FMNL3: variants seen among roughly 807,000 people sequenced by gnomAD.
FMNL3 encodes the protein formin like 3.
Under a neutral mutation model 119.6 loss-of-function variants are expected in FMNL3, and 57 were observed. The observed-to-expected ratio is 0.48, with a 90% CI of 0.39 to 0.59. The LOEUF (loss-of-function observed/expected upper bound fraction) is 0.59. Among genes scored for constraint, FMNL3 ranks in the 20% least tolerant of loss-of-function variants. FMNL3 has a pLI of 0.00. For synonymous variants in FMNL3, 491 were observed against 507.3 expected (o/e 0.97, Z 0.43); for missense variants, 1,053 against 1,323.5 (o/e 0.80, Z 3.17).
At chr12:49,702,742 CAAG>C (rs1340353650) in intron 1 of FMNL3, among the ~76,000 whole-genome samples, 3 of 152,098 alleles carry the variant, frequency 2.0e-5, no homozygotes, top group Admixed American at 1.3e-4. Context: ...GGTCTCTGAA[CAAG>C]AAGAAGGTTC....
intron 1 of FMNL3, among the ~76,000 whole-genome samples, chr12:49,676,953 G>C (rs1434731338): frequency 6.6e-6 from 1 of 152,156 alleles, no homozygotes; most frequent in Non-Finnish European, 1.5e-5. Flanking sequence ...TCTGAGAACA[G>C]GAATCACCAT....
chr12:49,679,238 C>T (rs1306027601), intron 1 of FMNL3, among the ~76,000 whole-genome samples: 2 of 152,176 alleles, frequency 1.3e-5, no homozygotes, highest in East Asian at 1.9e-4. Context: ...AGCAAGCATA[C>T]GGTGGATCTG....
chr12:49,683,171 G>A (rs905970040), intron 1 of FMNL3, among the ~76,000 whole-genome samples: 9 of 152,160 alleles, frequency 5.9e-5, no homozygotes, highest in Admixed American at 5.9e-4. Flanking sequence ...CTGAAGGGCT[G>A]TGCTGTGAGA....
chr12:49,637,635 CCT>C lies in FMNL3; in HGVS notation c.*8178_*8179del, dbSNP rs1942020568. ...CTGGCCTGGCTTCCTGCCCTGCCAGCCTCTCTGCACCCCCTACTACCGGCTCC... is the reference window on the plus strand; with the variant it reads ...CTGGCCTGGCTTCCTGCCCTGCCAGCCTCTGCACCCCCTACTACCGGCTCC... On this transcript the variant is annotated 3_prime_UTR_variant, in exon 26 of 26. Coordinates refer to ENST00000335154, the MANE Select transcript of FMNL3 (RefSeq NM_175736.5). The C allele has an allele frequency of 6.4e-7, 1 of 1,573,940 alleles. No individual in the cohort carries two copies. Among genetic ancestry groups the C allele is most frequent in the Non-Finnish European group, 8.7e-7 (1 of 1,146,232 alleles).
At position 49,644,259 on chromosome 12, in the gene FMNL3, G is replaced by C; in HGVS notation, c.*1556C>G. On this transcript the variant is annotated 3_prime_UTR_variant, in exon 26 of 26. Coordinates refer to ENST00000335154, the MANE Select transcript of FMNL3 (RefSeq NM_175736.5). ...GGCTCCTGGGCCACCCTCACCGTCT[G>C]CCTCAGACTTCTTCCTTAGTCTGGT... 1 of 1,553,760 alleles carries C rather than the reference G, an allele frequency of 6.4e-7. No individual in the cohort carries two copies. The highest frequency in any genetic ancestry group is 8.9e-7 in the Non-Finnish European group (1 of 1,128,790).
chr12:49,695,985 C>T (rs1944740025), intron 1 of FMNL3, among the ~76,000 whole-genome samples: 1 of 152,122 alleles, frequency 6.6e-6, no homozygotes, highest in African/African-American at 2.4e-5. Flanking sequence ...GTAGTACCTC[C>T]AAACACAGGA....
chr12:49,707,041 G>C lies in FMNL3; in HGVS notation c.126+14C>G. Reference sequence around the variant, plus strand: ...GGGCGGTACGCGGGGGAAGGGGCTGGGCTCAGCTCTCACCAGCACCAGGGC... The same window carrying C: ...GGGCGGTACGCGGGGGAAGGGGCTGCGCTCAGCTCTCACCAGCACCAGGGC... On this transcript the variant is annotated intron_variant, in intron 1 of 25. Transcript: ENST00000335154. The C allele has an allele frequency of 4.5e-6, 7 of 1,569,714 alleles. No homozygotes were observed. Among genetic ancestry groups the C allele is most frequent in the Non-Finnish European group, 6.0e-6 (7 of 1,157,842 alleles).
rs1215433037 is a variant in FMNL3 at position 49,637,171 on chromosome 12, G to A, written c.*8644C>T. ...CAGGCAGAGTTTATTCCCTCAGCTT[G>A]GGGGTGGCAGTGGTGGTGGTAGTGC... On this transcript the variant is annotated 3_prime_UTR_variant, in exon 26 of 26. Coordinates refer to ENST00000335154, the MANE Select transcript of FMNL3 (RefSeq NM_175736.5). 2 of 572,286 alleles carry A rather than the reference G, an allele frequency of 3.5e-6. No individual in the cohort carries two copies. The highest frequency in any genetic ancestry group is 1.9e-5 in the African/African-American group (1 of 53,496). 35.5% of individuals were successfully genotyped at this position (572,286 alleles called of 1,614,324 possible). A position where few individuals can be genotyped will look rare whatever the true frequency, so the allele number is the denominator to read the frequency against.
Position 49,637,004 on chromosome 12 carries a change from T to A in FMNL3, c.*8811A>T. The A allele has an allele frequency of 8.8e-7, 1 of 1,131,494 alleles. No homozygotes were observed. The allele number at this position is 1,131,494 out of a possible 1,614,324, so 70.1% of individuals were successfully genotyped here. ...GACCTCTCTCTGCCTGCAGTCTGTTTCTGCTGTACCTCCTCAATTCTGGAC... is the reference window on the plus strand; with the variant it reads ...GACCTCTCTCTGCCTGCAGTCTGTTACTGCTGTACCTCCTCAATTCTGGAC... On this transcript the variant is annotated 3_prime_UTR_variant, in exon 26 of 26. Coordinates refer to ENST00000335154, the MANE Select transcript of FMNL3 (RefSeq NM_175736.5).
chr12:49,660,645 G>A (rs919032080), intron 5 of FMNL3, among the ~76,000 whole-genome samples: 2 of 152,208 alleles, frequency 1.3e-5, no homozygotes, highest in African/African-American at 4.8e-5. Flanking sequence ...GGCCAAGGGG[G>A]CAAGGACAGT....
intron 1 of FMNL3, among the ~76,000 whole-genome samples, chr12:49,697,843 TA>T (rs1944792770): frequency 1.3e-5 from 2 of 151,886 alleles, no homozygotes; most frequent in African/African-American, 4.8e-5. Context: ...AGGATTTGCC[TA>T]AAGTCGTGCA....
At position 49,643,476 on chromosome 12, in the gene FMNL3, C is replaced by CT; in HGVS notation, c.*2338dup. 2 of 1,494,854 alleles carry CT rather than the reference C, an allele frequency of 1.3e-6. No individual in the cohort carries two copies. The allele number at this position is 1,494,854 out of a possible 1,614,324, so 92.6% of individuals were successfully genotyped here. A position where few individuals can be genotyped will look rare whatever the true frequency, so the allele number is the denominator to read the frequency against. On this transcript the variant is annotated 3_prime_UTR_variant, in exon 26 of 26. Coordinates refer to ENST00000335154, the MANE Select transcript of FMNL3 (RefSeq NM_175736.5). ...GGATGCCCTCCACAAGCCCCAGCTC[C>CT]TTTGAGGGTAGACTGGATTGGGAGG...
Position 49,636,578 on chromosome 12 carries a change from C to A in FMNL3, c.*9237G>T. The A allele has an allele frequency of 9.1e-7, 1 of 1,093,124 alleles. No homozygotes were observed. The highest frequency in any genetic ancestry group is 1.3e-6 in the Non-Finnish European group (1 of 756,686). The allele number at this position is 1,093,124 out of a possible 1,614,324, so 67.7% of individuals were successfully genotyped here. A position where few individuals can be genotyped will look rare whatever the true frequency, so the allele number is the denominator to read the frequency against. ...CATTGCAGTGGCTGCTCCCACAGAG[C>A]CCCCTCCAGGCCCTTCCCCCACCAC... On this transcript the variant is annotated 3_prime_UTR_variant, in exon 26 of 26. Coordinates refer to ENST00000335154, the MANE Select transcript of FMNL3 (RefSeq NM_175736.5).
At chr12:49,695,731 T>C (rs1944732991) in intron 1 of FMNL3, among the ~76,000 whole-genome samples, 1 of 152,150 alleles carries the variant, frequency 6.6e-6, no homozygotes, top group African/African-American at 2.4e-5. Flanking sequence ...TCTTAAAGAT[T>C]TTTTTTCATA....
At position 49,638,323 on chromosome 12, in the gene FMNL3, G is replaced by C. The variant is rs1020871996; in HGVS notation, c.*7492C>G. ...CCAGGAAACTTCACATAGAAAATCTGAATCTTTAGCTTCTCTTGTCAATAT... is the reference window on the plus strand; with the variant it reads ...CCAGGAAACTTCACATAGAAAATCTCAATCTTTAGCTTCTCTTGTCAATAT... On this transcript the variant is annotated 3_prime_UTR_variant, in exon 26 of 26. Coordinates refer to ENST00000335154, the MANE Select transcript of FMNL3 (RefSeq NM_175736.5). 6.5e-6 allele frequency: 1 copy of C among 153,828 alleles called. No individual in the cohort carries two copies. Among genetic ancestry groups the C allele is most frequent in the Non-Finnish European group, 1.4e-5 (1 of 69,172 alleles). The allele number at this position is 153,828 out of a possible 1,614,324, so 9.5% of individuals were successfully genotyped here. A position where few individuals can be genotyped will look rare whatever the true frequency, so the allele number is the denominator to read the frequency against.
chr12:49,702,454 G>A (rs1944934727), intron 1 of FMNL3, among the ~76,000 whole-genome samples: 1 of 152,188 alleles, frequency 6.6e-6, no homozygotes, highest in African/African-American at 2.4e-5. Flanking sequence ...AGAAAATATG[G>A]ATGTTTTTCT....
At chr12:49,666,489 G>A (rs1943893878) in intron 2 of FMNL3, among the ~76,000 whole-genome samples, 1 of 152,176 alleles carries the variant, frequency 6.6e-6, no homozygotes. Context: ...TTGCTACAAA[G>A]ATGTTGGGGA....
intron 4 of FMNL3, among the ~76,000 whole-genome samples, chr12:49,665,605 C>G (rs113112787): frequency 6.6e-6 from 1 of 152,220 alleles, no homozygotes; most frequent in African/African-American, 2.4e-5. Context: ...GGAGAGGCCT[C>G]AAGCTTGCCA....
chr12:49,694,073 T>C (rs1024162643), intron 1 of FMNL3, among the ~76,000 whole-genome samples: 11 of 152,086 alleles, frequency 7.2e-5, no homozygotes, highest in Middle Eastern at 6.8e-3. Flanking sequence ...AGGCACATGC[T>C]ACCACACCCA....
Sources: allele counts gnomAD v4.1 joint callset (sites outside exome capture counted in the v4.1 genomes callset), GRCh38; gene constraint gnomAD v4.1.1; transcripts MANE v1.5; gene names NCBI Gene and HGNC (gene_info 2026-07-23, HGNC 2026-07-21).